Variants in NR4A3 observed in about 807,000 individuals in gnomAD.
The protein encoded by NR4A3 is chondrosarcoma, extraskeletal myxoid, fused to EWS.
NR4A3 carries 13 observed loss-of-function variants against 55.6 expected under a neutral mutation model. The observed-to-expected ratio is 0.23, with a 90% CI of 0.15 to 0.37. The LOEUF (loss-of-function observed/expected upper bound fraction) is 0.37, where lower values mean the gene tolerates loss of function less well. NR4A3 is among the 10% of genes least tolerant of loss of function. NR4A3 has a pLI of 1.00. For synonymous variants in NR4A3, 342 were observed against 357.9 expected, an observed-to-expected ratio of 0.96 and a Z score of 0.50; for missense variants, 646 against 822.8, an observed-to-expected ratio of 0.79 and a Z score of 2.63.
At chr9:99,831,377 A>C (rs1334309805) in intron 3 of NR4A3, among the ~76,000 whole-genome samples, 1 of 152,206 alleles carries the variant, frequency 6.6e-6, no homozygotes, top group African/African-American at 2.4e-5. Flanking sequence ...AGAATTTTGC[A>C]TTTTAAACTA....
chr9:99,851,427 A>G (rs921193777), intron 7 of NR4A3, among the ~76,000 whole-genome samples: 2 of 152,186 alleles, frequency 1.3e-5, no homozygotes, highest in African/African-American at 4.8e-5. Flanking sequence ...TCTTTTCTTA[A>G]ACCACAGAGA....
Position 99,822,678 on chromosome 9 carries a change from G to A in NR4A3, c.-177+271G>A, listed in dbSNP as rs1177095124. ...CTAACAAAGAGGAGGACCGGGATTTGTGCTATAGCGGCTCCAGCGATGTAA... is the reference window on the plus strand; with the variant it reads ...CTAACAAAGAGGAGGACCGGGATTTATGCTATAGCGGCTCCAGCGATGTAA... On this transcript the variant is annotated intron_variant, in intron 1 of 7. Transcript: ENST00000395097. This position sits in a 1 kb window ranked among gnomAD's most constrained non-coding sequence, Gnocchi z 4.9. 6.6e-6 allele frequency among the ~76,000 whole-genome samples: 1 copy of A among 152,214 alleles called. No individual in the cohort carries two copies. Among genetic ancestry groups the A allele is most frequent in the Non-Finnish European group, 1.5e-5 (1 of 68,046 alleles).
intron 5 of NR4A3, among the ~76,000 whole-genome samples, chr9:99,836,210 G>T (rs1379566458): frequency 6.6e-6 from 1 of 152,144 alleles, no homozygotes; most frequent in African/African-American, 2.4e-5. Flanking sequence ...CGACAGGTTG[G>T]AACAGGAAGG....
intron 7 of NR4A3, among the ~76,000 whole-genome samples, chr9:99,858,637 C>T (rs1200425231): frequency 6.6e-6 from 1 of 152,174 alleles, no homozygotes; most frequent in African/African-American, 2.4e-5. Flanking sequence ...AACTTTCTAA[C>T]AATTAGAGAT....
In NR4A3 at chr9:99,828,298, G is replaced by C. The variant is rs1445564060; in HGVS notation, c.256G>C (p.Val86Leu). 1 of 1,613,688 alleles carries C rather than the reference G, an allele frequency of 6.2e-7. No individual in the cohort carries two copies. The highest frequency in any genetic ancestry group is 8.5e-7 in the Non-Finnish European group (1 of 1,179,942). The change falls in exon 3 of 8, where the codon GTG (valine) becomes CTG (leucine). Residue 86 changes from valine (V) to leucine (L), a missense_variant. Physicochemically the swap from Val to Leu is conservative, Grantham distance 32. This residue lies in a region of NR4A3 where 426 missense variants were observed against 429.4 expected (regional missense o/e 0.99). Coordinates refer to ENST00000395097, the MANE Select transcript of NR4A3 (RefSeq NM_006981.4). This position sits in a 1 kb window ranked among gnomAD's most constrained non-coding sequence, Gnocchi z 7.7. ...CCAAATGCAGCGGCCCTTGATCAAA[G>C]TGGAGGAGGGGCGGGCGCCCAGCTA... Reference protein sequence around the residue: ...VYQMQRPLIKVEEGRAPSYHH... With the variant: ...VYQMQRPLIKLEEGRAPSYHH...
chr9:99,852,069 C>G (rs1221700767), intron 7 of NR4A3, among the ~76,000 whole-genome samples: 1 of 152,138 alleles, frequency 6.6e-6, no homozygotes, highest in Non-Finnish European at 1.5e-5. Context: ...TGAAAAGGGA[C>G]AGATGCAGTG....
chr9:99,858,188 G>A (rs1425270689), intron 7 of NR4A3, among the ~76,000 whole-genome samples: 1 of 152,178 alleles, frequency 6.6e-6, no homozygotes, highest in Non-Finnish European at 1.5e-5. Flanking sequence ...ATCTAGAATA[G>A]GGGTAAAAAG....
At chr9:99,843,072 G>C (rs1368824190) in intron 5 of NR4A3, among the ~76,000 whole-genome samples, 1 of 152,186 alleles carries the variant, frequency 6.6e-6, no homozygotes, top group Non-Finnish European at 1.5e-5. Flanking sequence ...CAGTCTTCCT[G>C]CTTGCAGCAG....
intron 7 of NR4A3, among the ~76,000 whole-genome samples, chr9:99,860,239 G>A (rs1827989366): frequency 6.7e-6 from 1 of 149,240 alleles, no homozygotes; most frequent in Admixed American, 6.7e-5. Context: ...TTTGCTTCAT[G>A]GCCTTCACAT....
chr9:99,845,501 T>A (rs1320249433), intron 6 of NR4A3, among the ~76,000 whole-genome samples: 8 of 152,234 alleles, frequency 5.3e-5, no homozygotes, highest in Non-Finnish European at 1.0e-4. Context: ...TTATTATTGT[T>A]TTTATTCACA....
rs1827364583 is a variant in NR4A3, at chr9:99,828,569, C to T, written c.527C>T (p.Pro176Leu). Reference protein sequence around the residue: ...CIAPGPLLDPPMKAVPTVAGA... With the variant: ...CIAPGPLLDPLMKAVPTVAGA... Reference sequence around the variant, plus strand: ...GCACCCGGCCCGCTGCTGGACCCGCCGATGAAGGCGGTCCCCACGGTGGCC... The same window carrying T: ...GCACCCGGCCCGCTGCTGGACCCGCTGATGAAGGCGGTCCCCACGGTGGCC... Residue 176 changes from proline to leucine, a missense_variant, in exon 3 of 8, where the codon CCG becomes CTG. By Grantham distance (98) the Pro-to-Leu change is moderately conservative. Around this residue, in one of 5 missense-constraint regions of NR4A3, gnomAD observed 426 missense variants for 429.4 expected, o/e 0.99. Transcript: ENST00000395097. The surrounding 1 kb of genome is among the most constrained non-coding windows in gnomAD (Gnocchi z 7.7). 1.3e-6 allele frequency: 2 copies of T among 1,568,192 alleles called. No homozygotes were observed. The highest frequency in any genetic ancestry group is 1.2e-5 in the South Asian group (1 of 86,820).
In NR4A3 at chr9:99,863,586, C is replaced by T. The variant is rs377017954; in HGVS notation, c.1634-34C>T. The T allele has an allele frequency of 3.1e-6, 5 of 1,597,220 alleles. No homozygotes were observed. The East Asian group carries it at 8.9e-5, about 29-fold the overall frequency. Reference sequence around the variant, plus strand: ...AAAGTGTCTTAAGATGTATTTGCCTCCTAAACTTCTTGCCCTTCTCTATCC... The same window carrying T: ...AAAGTGTCTTAAGATGTATTTGCCTTCTAAACTTCTTGCCCTTCTCTATCC... On this transcript the variant is annotated intron_variant, in intron 7 of 7. Coordinates refer to ENST00000395097, the MANE Select transcript of NR4A3 (RefSeq NM_006981.4).
rs1827358403 is a variant in NR4A3, at chr9:99,828,451, C to G, written c.409C>G (p.Gln137Glu). 1.9e-6 allele frequency: 3 copies of G among 1,579,044 alleles called. No individual in the cohort carries two copies. Among genetic ancestry groups the G allele is most frequent in the Non-Finnish European group, 2.6e-6 (3 of 1,162,682 alleles). Reference sequence around the variant, plus strand: ...GCCCAGCACCTCCATGTACTTCAAGCAGTCCCCACCGTCCACCCCCACCAC... The same window carrying G: ...GCCCAGCACCTCCATGTACTTCAAGGAGTCCCCACCGTCCACCCCCACCAC... Reference protein sequence around the residue: ...VLPSTSMYFKQSPPSTPTTPA... With the variant: ...VLPSTSMYFKESPPSTPTTPA... The change falls in exon 3 of 8, where the codon CAG (glutamine) becomes GAG (glutamate). Residue 137 changes from glutamine (Q) to glutamate (E), a missense_variant. By Grantham distance (29) the Gln-to-Glu change is conservative. This residue lies in a region of NR4A3 where 426 missense variants were observed against 429.4 expected (regional missense o/e 0.99). Transcript: ENST00000395097. This position sits in a 1 kb window ranked among gnomAD's most constrained non-coding sequence, Gnocchi z 7.7.
rs3739792 is a variant in NR4A3 at position 99,822,631 on chromosome 9, C to G, written c.-177+224C>G. ...CTGGAGCTCGTGGGATTCCTCCCCC[C>G]ACTCGAAGAGGCGAAAAGCCTCTAA... is the stretch of plus-strand genomic sequence containing the variant. On this transcript the variant is annotated intron_variant, in intron 1 of 7. Coordinates refer to ENST00000395097, the MANE Select transcript of NR4A3 (RefSeq NM_006981.4). The surrounding 1 kb of genome is among the most constrained non-coding windows in gnomAD (Gnocchi z 4.9). Among the ~76,000 whole-genome samples the G allele has an allele frequency of 9.2e-5, 14 of 152,294 alleles. No individual in the cohort carries two copies. The highest frequency in any genetic ancestry group is 5.8e-4 in the East Asian group (3 of 5,176).
Position 99,847,490 on chromosome 9 carries a change from G to A in NR4A3, c.1508G>A (p.Arg503Gln). The change falls in exon 7 of 8, where the codon CGA (arginine) becomes CAA (glutamine). Residue 503 changes from arginine (R) to glutamine (Q), a missense_variant. Physicochemically the swap from Arg to Gln is conservative, Grantham distance 43 (BLOSUM62 1). Transcript: ENST00000395097. Reference sequence around the variant, plus strand: ...TTCTGCAATGGACTTGTCCTGCATCGACTTCAGTGCCTTCGTGGATTTGGG... The same window carrying A: ...TTCTGCAATGGACTTGTCCTGCATCAACTTCAGTGCCTTCGTGGATTTGGG... ...FVFCNGLVLH[R>Q]LQCLRGFGEW... 1.2e-6 allele frequency: 2 copies of A among 1,614,172 alleles called. No individual in the cohort carries two copies. Among genetic ancestry groups the A allele is most frequent in the South Asian group, 1.1e-5 (1 of 91,076 alleles).
At chr9:99,844,904 C>T (rs980466772) in intron 6 of NR4A3, 56 bp downstream of exon 6, 37 of 1,341,092 alleles carry the variant, frequency 2.8e-5, no homozygotes, top group Non-Finnish European at 3.9e-5. Context: ...CTGAAACCTT[C>T]TGTGTTTGTA....
At chr9:99,856,824 C>T (rs1418668283) in intron 7 of NR4A3, among the ~76,000 whole-genome samples, 8 of 152,198 alleles carry the variant, frequency 5.3e-5, no homozygotes, top group Non-Finnish European at 1.0e-4. Flanking sequence ...GCATTTCCAG[C>T]AAGTTCCCCA....
intron 7 of NR4A3, among the ~76,000 whole-genome samples, chr9:99,852,169 A>G (rs1435239255): frequency 2.0e-5 from 3 of 152,256 alleles, no homozygotes; most frequent in Non-Finnish European, 4.4e-5. Context: ...GGTAGCATCT[A>G]GACATGAGAA....
intron 3 of NR4A3, 32 bp downstream of exon 3, chr9:99,829,025 C>T: frequency 7.6e-7 from 1 of 1,308,726 alleles, no homozygotes; most frequent in Non-Finnish European, 9.7e-7. Context: ...CCCTCCGCAC[C>T]CAGCCCCCTC....
Sources: allele counts gnomAD v4.1 joint callset (sites outside exome capture counted in the v4.1 genomes callset), GRCh38; gene constraint gnomAD v4.1.1; regional missense constraint gnomAD v4.1.1; non-coding constraint Gnocchi (gnomAD v3.1); transcripts MANE v1.5; gene names NCBI Gene and HGNC (gene_info 2026-07-23, HGNC 2026-07-21).